GLI2: variants seen among roughly 807,000 people sequenced by gnomAD.
GLI2 encodes the protein GLI family zinc finger 2.
A neutral mutation model predicts 78.9 loss-of-function variants in GLI2; 22 were observed. The ratio of observed to expected loss-of-function variants is 0.28; its 90% CI spans 0.20 to 0.40. The LOEUF (loss-of-function observed/expected upper bound fraction) is 0.40. Ranked by LOEUF, GLI2 falls within the 10% of genes least tolerant of loss-of-function variation. GLI2 has a pLI of 1.00. For missense variants in GLI2, 2,097 were observed against 2,213.2 expected, an observed-to-expected ratio of 0.95 and a Z score of 1.05; for synonymous variants, 974 against 963.7, an observed-to-expected ratio of 1.01 and a Z score of -0.20.
At chr2:120,979,997 A>G (rs775661103) in intron 10 of GLI2, among the ~76,000 whole-genome samples, 8 of 152,228 alleles carry the variant, frequency 5.3e-5, no homozygotes, top group Non-Finnish European at 7.3e-5. Context: ...GTGGCTGCAT[A>G]ATACTCCATT....
chr2:120,974,776 ATGAGTG>A, intron 8 of GLI2, 193 bp from the exon 9 acceptor site: 4 of 709,404 alleles, frequency 5.6e-6, no homozygotes, highest in East Asian at 2.7e-5. Flanking sequence ...AAAAAGGCTG[ATGAGTG>A]TGTGTGTGTG....
At chr2:120,758,957 C>T (rs1171118915) in intron 1 of GLI2, among the ~76,000 whole-genome samples, 4 of 152,154 alleles carry the variant, frequency 2.6e-5, no homozygotes, top group Admixed American at 6.5e-5. Flanking sequence ...GAAGTGGACA[C>T]GATGACTGGG....
chr2:120,928,852 C>T (rs1679816112), intron 3 of GLI2, among the ~76,000 whole-genome samples: 1 of 152,242 alleles, frequency 6.6e-6, no homozygotes. Flanking sequence ...CACGCAGCTC[C>T]TCAAATGTGG....
At chr2:120,855,994 T>C (rs1687626303) in intron 2 of GLI2, among the ~76,000 whole-genome samples, 1 of 152,204 alleles carries the variant, frequency 6.6e-6, no homozygotes, top group Non-Finnish European at 1.5e-5. Flanking sequence ...TCTGGGGACC[T>C]GGATTATCTC....
intron 4 of GLI2, among the ~76,000 whole-genome samples, chr2:120,952,892 G>A (rs531229343): frequency 3.3e-5 from 5 of 152,332 alleles, no homozygotes; most frequent in East Asian, 3.9e-4. Flanking sequence ...AAGAGTGAGA[G>A]GACACAGGTC....
chr2:120,756,569 T>A (rs749168980), intron 1 of GLI2, among the ~76,000 whole-genome samples: 1 of 152,206 alleles, frequency 6.6e-6, no homozygotes, highest in Non-Finnish European at 1.5e-5. Context: ...TGAGAGTTCT[T>A]ATTCTTATCT....
chr2:120,969,674 G>A (rs953036478), intron 6 of GLI2, among the ~76,000 whole-genome samples: 1 of 152,254 alleles, frequency 6.6e-6, no homozygotes, highest in African/African-American at 2.4e-5. Context: ...CTGTCAGCCA[G>A]TGCTTCATCC....
chr2:120,847,763 G>C (rs1201530407), intron 2 of GLI2, among the ~76,000 whole-genome samples: 2 of 151,620 alleles, frequency 1.3e-5, no homozygotes, highest in Non-Finnish European at 2.9e-5. Context: ...GGCAGGGGCG[G>C]GGGGGCGGTG....
Position 120,911,210 on chromosome 2 carries a change from T to C in GLI2, c.149-16151T>C, listed in dbSNP as rs1384839477. ...ATTTCAGAGAAATGGGCATGAGGTC[T>C]GGCTGTGACACAGATTAGCCATTTG... On this transcript the variant is annotated intron_variant, in intron 2 of 13. Transcript: ENST00000361492. 3.3e-5 allele frequency among the ~76,000 whole-genome samples: 5 copies of C among 152,242 alleles called. No homozygotes were observed. In the East Asian group the frequency reaches 9.6e-4, roughly 29 times the overall value.
intron 2 of GLI2, among the ~76,000 whole-genome samples, chr2:120,886,188 GTGTGTGTGTGTGTGTGTGTGTGCGTGTA>G (rs773063062): frequency 0.027 from 1,210 of 45,616 alleles, 34 homozygotes; most frequent in African/African-American, 0.1. Flanking sequence ...GTGTGTGTGT[GTGTGTGTGTGTGTGTGTGTGTGCGTGTA>G]TATTTTGGTT....
In GLI2 at chr2:120,988,482, C is replaced by T. The variant is rs1342958751; in HGVS notation, c.2517C>T (p.Asp839=). ...PHNASSADSY[D]PISTDASRRS... ...ACGCGAGCTCCGCTGACTCCTACGA[C>T]CCCATCTCCACGGACGCGTCGCGGC... Residue 839 remains aspartate, a synonymous_variant, in exon 14 of 14, where the codon GAC becomes GAT. Transcript: ENST00000361492. 1.9e-6 allele frequency: 3 copies of T among 1,558,622 alleles called. No homozygotes were observed. The highest frequency in any genetic ancestry group is 2.6e-6 in the Non-Finnish European group (3 of 1,162,262).
chr2:120,861,620 T>C (rs1246664077), intron 2 of GLI2, among the ~76,000 whole-genome samples: 1 of 152,264 alleles, frequency 6.6e-6, no homozygotes, highest in Non-Finnish European at 1.5e-5. Context: ...GTTTGCTGAT[T>C]GCCACAGCAG....
intron 2 of GLI2, among the ~76,000 whole-genome samples, chr2:120,893,952 G>A (rs942903247): frequency 1.3e-5 from 2 of 152,202 alleles, no homozygotes; most frequent in African/African-American, 2.4e-5. Context: ...TGACAGCAGC[G>A]TGATTTAAGG....
At chr2:120,957,199 C>T (rs566501284) in intron 5 of GLI2, among the ~76,000 whole-genome samples, 8 of 152,316 alleles carry the variant, frequency 5.3e-5, no homozygotes, top group African/African-American at 1.9e-4. Context: ...CATAACATGC[C>T]TCAGTGATGC....
Position 120,968,696 on chromosome 2 carries a change from G to A in GLI2, c.644-18G>A, listed in dbSNP as rs369781957. ...ATCCCCAGTGATGCTGACCTGTCTT[G>A]TGTTGACTATCCCACAGTGTCCCGT... On this transcript the variant is annotated intron_variant, in intron 5 of 13. Transcript: ENST00000361492. The A allele has an allele frequency of 3.2e-6, 5 of 1,572,934 alleles. No homozygotes were observed. Among genetic ancestry groups the A allele is most frequent in the Admixed American group, 1.7e-5 (1 of 59,796 alleles).
At chr2:120,897,007 G>A (rs1281635456) in intron 2 of GLI2, among the ~76,000 whole-genome samples, 1 of 152,226 alleles carries the variant, frequency 6.6e-6, no homozygotes, top group African/African-American at 2.4e-5. Context: ...GGGGAGGAAC[G>A]TGTCCACCTC....
chr2:120,809,917 C>T (rs940167007), intron 2 of GLI2, among the ~76,000 whole-genome samples: 1 of 152,168 alleles, frequency 6.6e-6, no homozygotes, highest in African/African-American at 2.4e-5. Flanking sequence ...TCCTTGGAAC[C>T]TGAATCATTG....
chr2:120,829,063 C>T lies in GLI2; in HGVS notation c.148+31595C>T, dbSNP rs140959382. 3.7e-3 allele frequency among the ~76,000 whole-genome samples: 543 copies of T among 148,028 alleles called. 6 individuals carry two copies. Among genetic ancestry groups the T allele is most frequent in the African/African-American group, 0.013 (523 of 40,210 alleles). Reference sequence around the variant, plus strand: ...CACACCACATGCTCACAGTCACACACGTACGCATGCATGCACACAGGGACA... The same window carrying T: ...CACACCACATGCTCACAGTCACACATGTACGCATGCATGCACACAGGGACA... On this transcript the variant is annotated intron_variant, in intron 2 of 13. Coordinates refer to ENST00000361492, the MANE Select transcript of GLI2 (RefSeq NM_001374353.1).
At chr2:120,833,220 A>G (rs535876710) in intron 2 of GLI2, among the ~76,000 whole-genome samples, 1 of 151,400 alleles carries the variant, frequency 6.6e-6, no homozygotes, top group African/African-American at 2.4e-5. Context: ...TCCAGGGCCT[A>G]CGAGATGGTG....
Sources: allele counts gnomAD v4.1 joint callset (sites outside exome capture counted in the v4.1 genomes callset), GRCh38; gene constraint gnomAD v4.1.1; transcripts MANE v1.5; gene names NCBI Gene and HGNC (gene_info 2026-07-23, HGNC 2026-07-21).